Variants in GRIK2 observed in about 807,000 individuals in gnomAD.
GRIK2 encodes the protein glutamate ionotropic receptor kainate type subunit 2.
A neutral mutation model predicts 100.3 loss-of-function variants in GRIK2; 32 were observed. The observed-to-expected ratio is 0.32, with a 90% CI of 0.24 to 0.43. The LOEUF (loss-of-function observed/expected upper bound fraction) is 0.43. Ranked by LOEUF, GRIK2 falls within the 20% of genes least tolerant of loss-of-function variation. GRIK2 has a pLI of 1.00. For missense variants in GRIK2, 843 were observed against 1,114.9 expected, an observed-to-expected ratio of 0.76 and a Z score of 3.47; for synonymous variants, 417 against 389.4, an observed-to-expected ratio of 1.07 and a Z score of -0.83.
intron 6 of GRIK2, among the ~76,000 whole-genome samples, chr6:101,685,561 T>C (rs545923665): frequency 2.0e-4 from 30 of 152,276 alleles, no homozygotes; most frequent in South Asian, 1.0e-3. Context: ...GTTCACTATA[T>C]ACAGACTAGA....
At chr6:102,009,918 G>T (rs974376405) in intron 14 of GRIK2, among the ~76,000 whole-genome samples, 44 of 152,002 alleles carry the variant, frequency 2.9e-4, no homozygotes, top group African/African-American at 1.1e-3. Context: ...AAATACAAAA[G>T]CAGGGCATGT....
At chr6:101,822,759 G>A (rs1338672939) in intron 10 of GRIK2, among the ~76,000 whole-genome samples, 1 of 151,208 alleles carries the variant, frequency 6.6e-6, no homozygotes. Flanking sequence ...TTTTTTTTAG[G>A]TTAGAAAGCT....
chr6:101,420,149 C>T (rs753132263), intron 2 of GRIK2, among the ~76,000 whole-genome samples: 19 of 152,148 alleles, frequency 1.2e-4, no homozygotes, highest in Non-Finnish European at 2.5e-4. Context: ...GCAAGTTGAT[C>T]GCCCTCATTT....
rs780255159 is a variant in GRIK2 at position 101,818,420 on chromosome 6, G to A, written c.1254G>A (p.Lys418=). ...ASGLNMTESQ[K]GKPANITDSL... is the part of the protein sequence containing the mutation. ...GCCTGAATATGACAGAAAGTCAAAA[G>A]GGAAAGCCAGCGAACATCACAGATT... is the stretch of plus-strand genomic sequence containing the variant. The change falls in exon 10 of 17, where the codon AAG becomes AAA. Residue 418 remains lysine (K), a synonymous_variant. Transcript: ENST00000369134. 6.2e-7 allele frequency: 1 copy of A among 1,612,524 alleles called. No homozygotes were observed. The highest frequency in any genetic ancestry group is 1.1e-5 in the South Asian group (1 of 91,042).
chr6:101,571,020 T>A (rs1420096224), intron 2 of GRIK2, among the ~76,000 whole-genome samples: 1 of 151,756 alleles, frequency 6.6e-6, no homozygotes, highest in Non-Finnish European at 1.5e-5. Context: ...TTGTGATTTT[T>A]CTGTAGAGTT....
chr6:101,729,578 G>A (rs9373621), intron 7 of GRIK2, among the ~76,000 whole-genome samples: 18,681 of 151,712 alleles, frequency 0.12, 1,349 homozygotes, highest in South Asian at 0.2. Context: ...TTTTACCTTA[G>A]TAAATGTCCT....
chr6:101,560,716 A>T (rs199822112), intron 2 of GRIK2, among the ~76,000 whole-genome samples: 19 of 151,788 alleles, frequency 1.3e-4, no homozygotes, highest in African/African-American at 4.6e-4. Context: ...GTATCAGTAA[A>T]TTTTTTTTCC....
intron 7 of GRIK2, among the ~76,000 whole-genome samples, chr6:101,758,596 C>T (rs1173871101): frequency 2.0e-5 from 3 of 152,038 alleles, no homozygotes; most frequent in Admixed American, 6.6e-5. Flanking sequence ...TGAAAGAACA[C>T]CAGTTTTAAT....
At chr6:101,831,327 C>A (rs2128428136) in intron 10 of GRIK2, among the ~76,000 whole-genome samples, 1 of 152,112 alleles carries the variant, frequency 6.6e-6, no homozygotes, top group East Asian at 1.9e-4. Context: ...CCAGTGTTGC[C>A]TTTTCTTGAA....
At chr6:101,952,762 C>G in intron 14 of GRIK2, among the ~76,000 whole-genome samples, 1 of 152,088 alleles carries the variant, frequency 6.6e-6, no homozygotes, top group East Asian at 1.9e-4. Flanking sequence ...GCCACCACAC[C>G]CAGCTAATTT....
At chr6:101,541,684 A>C (rs568388098) in intron 2 of GRIK2, among the ~76,000 whole-genome samples, 382 of 152,176 alleles carry the variant, frequency 2.5e-3, no homozygotes, top group African/African-American at 8.8e-3. Flanking sequence ...TACTTAAGTA[A>C]AACAGTTTAG....
intron 4 of GRIK2, among the ~76,000 whole-genome samples, chr6:101,639,625 T>TACAC (rs1554233786): frequency 1.3e-5 from 2 of 152,050 alleles, no homozygotes; most frequent in African/African-American, 2.4e-5. Flanking sequence ...CATACATACA[T>TACAC]ACACACAGTT....
chr6:101,686,665 ATC>A (rs1771723468), intron 7 of GRIK2, among the ~76,000 whole-genome samples: 1 of 152,146 alleles, frequency 6.6e-6, no homozygotes, highest in Non-Finnish European at 1.5e-5. Context: ...GAAGACATAC[ATC>A]TGGTAGTTAT....
intron 7 of GRIK2, among the ~76,000 whole-genome samples, chr6:101,770,180 T>G (rs956705552): frequency 2.0e-5 from 3 of 152,204 alleles, no homozygotes; most frequent in African/African-American, 4.8e-5. Flanking sequence ...TTGTTTTTTC[T>G]GAAATGTCTT....
intron 14 of GRIK2, among the ~76,000 whole-genome samples, chr6:101,983,706 C>G (rs949021800): frequency 6.6e-6 from 1 of 151,696 alleles, no homozygotes; most frequent in Admixed American, 6.6e-5. Flanking sequence ...CTTTTCTCAC[C>G]TGAAATATCT....
At chr6:101,844,063 A>G (rs1401439701) in intron 10 of GRIK2, among the ~76,000 whole-genome samples, 1 of 152,176 alleles carries the variant, frequency 6.6e-6, no homozygotes, top group African/African-American at 2.4e-5. Flanking sequence ...AGATACTAAT[A>G]TGACCTCATT....
chr6:101,678,823 G>C (rs1043310414), intron 5 of GRIK2, among the ~76,000 whole-genome samples: 3 of 152,186 alleles, frequency 2.0e-5, no homozygotes, highest in African/African-American at 7.2e-5. Context: ...GTTTACTCTT[G>C]TGCGTTTGTT....
chr6:102,043,063 T>G (rs540044253), intron 15 of GRIK2, among the ~76,000 whole-genome samples: 1 of 151,868 alleles, frequency 6.6e-6, no homozygotes, highest in East Asian at 1.9e-4. Flanking sequence ...ATGCCATATA[T>G]AAGCATCTCC....
At chr6:101,979,826 T>A (rs1337255542) in intron 14 of GRIK2, among the ~76,000 whole-genome samples, 1 of 152,032 alleles carries the variant, frequency 6.6e-6, no homozygotes, top group Non-Finnish European at 1.5e-5. Context: ...TTCATTGAGT[T>A]GCTGCTCAGC....
Sources: gnomAD v4.1 joint callset for allele counts (sites outside exome capture counted in the v4.1 genomes callset) on GRCh38, gnomAD v4.1.1 for gene constraint, MANE v1.5 for transcripts, NCBI Gene and HGNC (gene_info 2026-07-23, HGNC 2026-07-21) for gene names.